POGZ: variants seen among roughly 807,000 people sequenced by gnomAD.
The protein encoded by POGZ is pogo transposable element with ZNF domain.
POGZ carries 17 observed loss-of-function variants against 134.6 expected under a neutral mutation model. The ratio of observed to expected loss-of-function variants is 0.13; its 90% CI spans 0.09 to 0.19. POGZ has a LOEUF of 0.19. POGZ is among the 10% of genes least tolerant of loss of function. The probability of loss-of-function intolerance (pLI) is 1.00; values close to 1 mark genes in which losing one functional copy is unlikely to be tolerated. For missense variants in POGZ, 1,306 were observed against 1,769.7 expected (o/e 0.74, Z 4.70); for synonymous variants, 693 against 657.1 (o/e 1.05, Z -0.84).
chr1:151,458,937 TCGCGCGCCGCACCCCGCGGCCGCCCCTGC>T (rs1033820505), intron 1 of POGZ, among the ~76,000 whole-genome samples, 186 bp downstream of exon 1: 9 of 141,954 alleles, frequency 6.3e-5, no homozygotes, highest in African/African-American at 2.3e-4. Context: ...ACACTCGCGC[TCGCGCGCCGCACCCCGCGGCCGCCCCTGC>T]CGCGGGCCGC....
chr1:151,409,051 T>C (rs927648454), intron 12 of POGZ, among the ~76,000 whole-genome samples: 3 of 152,218 alleles, frequency 2.0e-5, no homozygotes, highest in African/African-American at 7.2e-5. Flanking sequence ...TAGTCCAGGA[T>C]GACTAAGTTC....
Position 151,407,289 on chromosome 1 carries a change from T to C in POGZ, c.2378A>G (p.Asn793Ser), listed in dbSNP as rs1012311934. Residue 793 changes from asparagine (N) to serine (S), a missense_variant and splice_region_variant, in exon 16 of 19, where the codon AAT becomes AGT. Coordinates refer to ENST00000271715, the MANE Select transcript of POGZ (RefSeq NM_015100.4). Reference sequence around the variant, plus strand: ...CTTGGGGCTCTTCCGTGGAACATGATTGCTGAGAAAGACAAAGAAGTGGTA... The same window carrying C: ...CTTGGGGCTCTTCCGTGGAACATGACTGCTGAGAAAGACAAAGAAGTGGTA... ...SRAYANHMINNHVPRKSPKYL... is the reference protein window; with the variant it reads ...SRAYANHMINSHVPRKSPKYL... 7.5e-6 allele frequency: 12 copies of C among 1,607,228 alleles called. No individual in the cohort carries two copies. Among genetic ancestry groups the C allele is most frequent in the Non-Finnish European group, 1.0e-5 (12 of 1,176,986 alleles).
intron 10 of POGZ, among the ~76,000 whole-genome samples, chr1:151,414,343 T>C (rs953756836): frequency 3.3e-5 from 5 of 152,256 alleles, no homozygotes; most frequent in African/African-American, 9.6e-5. Flanking sequence ...TGTCCAGGCC[T>C]TTCTTAGTCT....
intron 11 of POGZ, 91 bp from the exon 12 acceptor site, chr1:151,411,862 T>TAAA: frequency 1.0e-6 from 1 of 989,084 alleles, no homozygotes; most frequent in Non-Finnish European, 1.4e-6. Context: ...ATTTTTAAAT[T>TAAA]AAAAAAAAAA....
chr1:151,413,125 T>A (rs1254940598), intron 10 of POGZ, among the ~76,000 whole-genome samples: 20 of 107,552 alleles, frequency 1.9e-4, no homozygotes, highest in Admixed American at 3.2e-4. Context: ...TTTTTTTTTT[T>A]AAGAGACAGA....
At chr1:151,456,574 C>T (rs1662800547) in intron 1 of POGZ, among the ~76,000 whole-genome samples, 1 of 152,224 alleles carries the variant, frequency 6.6e-6, no homozygotes, top group South Asian at 2.1e-4. Flanking sequence ...AATCACACCT[C>T]CCTAGGCAGC....
chr1:151,441,147 G>A (rs574184348), intron 2 of POGZ, 61 bp from the exon 3 acceptor site: 1 of 1,349,012 alleles, frequency 7.4e-7, no homozygotes, highest in East Asian at 2.4e-5. Flanking sequence ...AAAGGATACT[G>A]CTCTAATCTT....
At chr1:151,429,771 C>T in intron 4 of POGZ, 60 bp from the exon 5 acceptor site, 1 of 916,622 alleles carries the variant, frequency 1.1e-6, no homozygotes. Context: ...ACAAAGATTG[C>T]AGTATGACCT....
In POGZ at chr1:151,419,965, C is replaced by T. The variant is rs181306100; in HGVS notation, c.1678+3432G>A. 9.9e-4 allele frequency among the ~76,000 whole-genome samples: 151 copies of T among 152,004 alleles called. 1 individual carries two copies. The highest frequency in any genetic ancestry group is 2.9e-3 in the Admixed American group (45 of 15,264). On this transcript the variant is annotated intron_variant, in intron 10 of 18. Coordinates refer to ENST00000271715, the MANE Select transcript of POGZ (RefSeq NM_015100.4). ...AACAAAACCCACCCCCCATATTACG[C>T]GTAAAAATGAGTTAGGTGCCCAGAC...
chr1:151,416,429 G>A (rs1039575467), intron 10 of POGZ, among the ~76,000 whole-genome samples: 4 of 151,860 alleles, frequency 2.6e-5, no homozygotes, highest in African/African-American at 9.7e-5. Flanking sequence ...CTGAACCCAG[G>A]AGGCTTAAGT....
intron 1 of POGZ, among the ~76,000 whole-genome samples, chr1:151,446,187 A>C (rs2102392292): frequency 6.6e-6 from 1 of 151,060 alleles, no homozygotes; most frequent in East Asian, 1.9e-4. Context: ...CAAAAAAAAA[A>C]AAAAGATCTT....
intron 1 of POGZ, among the ~76,000 whole-genome samples, chr1:151,456,472 T>A (rs1662784920): frequency 6.6e-6 from 1 of 152,222 alleles, no homozygotes; most frequent in Non-Finnish European, 1.5e-5. Context: ...AACCATAGTC[T>A]GCTAGTCGTT....
intron 3 of POGZ, 175 bp downstream of exon 3, chr1:151,440,749 AGAAG>A: frequency 2.2e-6 from 1 of 460,740 alleles, no homozygotes; most frequent in South Asian, 5.1e-5. Flanking sequence ...GCACTAACTT[AGAAG>A]GAATAGCACC....
chr1:151,416,210 C>CA (rs1212371839), intron 10 of POGZ, among the ~76,000 whole-genome samples: 4,342 of 42,798 alleles, frequency 0.1, 628 homozygotes, highest in African/African-American at 0.26. Context: ...AACTCCATCT[C>CA]AAAAAAAAAA....
In POGZ at chr1:151,427,818, T is replaced by C. The variant is rs1425081339; in HGVS notation, c.1078+5A>G. 10 of 1,593,438 alleles carry C rather than the reference T, an allele frequency of 6.3e-6. No homozygotes were observed. The highest frequency in any genetic ancestry group is 8.6e-6 in the Non-Finnish European group (10 of 1,161,360). On this transcript the variant is annotated splice_donor_5th_base_variant and intron_variant, in intron 7 of 18. Transcript: ENST00000271715. ...GGCTGCTCAGAGTCTTTCAGGTTAT[T>C]GTACCTTTCATTGAAGACTCAGGTC...
rs143323099 is a variant in POGZ at position 151,424,044 on chromosome 1, C to G, written c.1428G>C (p.Arg476=). 2 of 1,614,020 alleles carry G rather than the reference C, an allele frequency of 1.2e-6. No individual in the cohort carries two copies. The highest frequency in any genetic ancestry group is 1.7e-6 in the Non-Finnish European group (2 of 1,180,022). ...TGAGCTGGGCTACTTTGCCACCATCCCGTCCATAGTAGAAGTCATCTACAA... is the reference window on the plus strand; with the variant it reads ...TGAGCTGGGCTACTTTGCCACCATCGCGTCCATAGTAGAAGTCATCTACAA... ...IMLVDDFYYG[R]DGGKVAQLTN... The change falls in exon 9 of 19, where the codon CGG becomes CGC. Residue 476 remains arginine, a synonymous_variant. Transcript: ENST00000271715.
chr1:151,451,325 AT>A (rs1044986856), intron 1 of POGZ, among the ~76,000 whole-genome samples: 1,673 of 151,516 alleles, frequency 0.011, 19 homozygotes, highest in Non-Finnish European at 0.018. Context: ...TATTTATTTT[AT>A]TTTTTTTTAA....
chr1:151,408,935 C>T (rs1654158560), intron 12 of POGZ, 107 bp from the exon 13 acceptor site: 1 of 945,416 alleles, frequency 1.1e-6, no homozygotes, highest in African/African-American at 1.6e-5. Context: ...ATTCTTCCCA[C>T]CTTTCTGTTG....
intron 1 of POGZ, among the ~76,000 whole-genome samples, chr1:151,444,458 G>A (rs1328860313): frequency 6.6e-6 from 1 of 152,006 alleles, no homozygotes; most frequent in Non-Finnish European, 1.5e-5. Context: ...AACTTTCTGA[G>A]AGCTTAGTCA....
Sources: allele counts gnomAD v4.1 joint callset (sites outside exome capture counted in the v4.1 genomes callset), GRCh38; gene constraint gnomAD v4.1.1; transcripts MANE v1.5; gene names NCBI Gene and HGNC (gene_info 2026-07-23, HGNC 2026-07-21).